The following COL8A1 variants were observed in gnomAD, a reference collection of about 807,000 sequenced individuals.
The protein encoded by COL8A1 is collagen alpha-1(VIII) chain.
COL8A1 carries 21 observed loss-of-function variants against 42.7 expected under a neutral mutation model. The observed-to-expected ratio is 0.49, with a 90% CI of 0.35 to 0.71. The LOEUF (loss-of-function observed/expected upper bound fraction) is 0.71, where lower values mean the gene tolerates loss of function less well. Among genes scored for constraint, COL8A1 ranks in the 30% least tolerant of loss-of-function variants. COL8A1 has a pLI of 0.01. For missense variants in COL8A1, 788 were observed against 962.4 expected (o/e 0.82, Z 2.40); for synonymous variants, 367 against 369.1 (o/e 0.99, Z 0.06).
rs1942123737 is a variant in COL8A1 at position 99,797,290 on chromosome 3, TG to T, written c.*1155del. The stretch of plus-strand genomic sequence containing the variant: ...AAAGTCAATTTTTTTCTTTTTTTTT[TG>T]AGATGGAGTCTTACTCTGTCACCCA... On this transcript the variant is annotated 3_prime_UTR_variant, in exon 4 of 4. Coordinates refer to ENST00000652472, the MANE Select transcript of COL8A1 (RefSeq NM_020351.4). 1 of 152,124 alleles carries T rather than the reference TG, an allele frequency of 6.6e-6. No homozygotes were observed. The highest frequency in any genetic ancestry group is 6.5e-5 in the Admixed American group (1 of 15,270). 9.4% of individuals were successfully genotyped at this position (152,124 alleles called of 1,614,324 possible).
intron 2 of COL8A1, 59 bp downstream of exon 2, chr3:99,745,080 C>T (rs898941627): frequency 3.3e-5 from 5 of 152,184 alleles, no homozygotes; most frequent in Admixed American, 1.3e-4. Context: ...CAGGTAAAGC[C>T]GCAGATCGCT....
chr3:99,720,879 G>A (rs1940130527), intron 1 of COL8A1, among the ~76,000 whole-genome samples: 1 of 152,094 alleles, frequency 6.6e-6, no homozygotes, highest in South Asian at 2.1e-4. Context: ...AGGATGGTGA[G>A]GAGTTTCTGA....
intron 1 of COL8A1, among the ~76,000 whole-genome samples, chr3:99,722,404 A>G (rs1187326361): frequency 6.6e-6 from 1 of 152,150 alleles, no homozygotes; most frequent in Admixed American, 6.6e-5. Flanking sequence ...CAAGCTGTAA[A>G]CTTACACCCT....
chr3:99,642,949 A>G (rs1296389002), intron 1 of COL8A1, among the ~76,000 whole-genome samples: 2 of 152,230 alleles, frequency 1.3e-5, no homozygotes, highest in Non-Finnish European at 2.9e-5. Flanking sequence ...TTACTTATCC[A>G]GTACTTATTA....
At chr3:99,739,017 C>G (rs576413619) in intron 1 of COL8A1, among the ~76,000 whole-genome samples, 289 of 152,294 alleles carry the variant, frequency 1.9e-3, no homozygotes, top group African/African-American at 6.6e-3. Flanking sequence ...CTTTCTTTGA[C>G]TCAGAAAGGG....
At chr3:99,682,212 CAAG>C (rs2107324022) in intron 1 of COL8A1, among the ~76,000 whole-genome samples, 1 of 152,154 alleles carries the variant, frequency 6.6e-6, no homozygotes, top group South Asian at 2.1e-4. Flanking sequence ...GGCAGGAGTT[CAAG>C]ACCAGCTTGG....
At chr3:99,739,534 T>C (rs1940838021) in intron 1 of COL8A1, among the ~76,000 whole-genome samples, 1 of 152,148 alleles carries the variant, frequency 6.6e-6, no homozygotes, top group Non-Finnish European at 1.5e-5. Flanking sequence ...AGGCAGAAGT[T>C]CTCAAACCAC....
intron 1 of COL8A1, among the ~76,000 whole-genome samples, chr3:99,647,094 T>C (rs1937669702): frequency 6.6e-6 from 1 of 152,238 alleles, no homozygotes; most frequent in African/African-American, 2.4e-5. Flanking sequence ...TAAACATTTT[T>C]ATTCACTGTA....
intron 1 of COL8A1, among the ~76,000 whole-genome samples, chr3:99,738,015 C>T (rs1940783544): frequency 6.6e-6 from 1 of 152,096 alleles, no homozygotes; most frequent in Admixed American, 6.5e-5. Context: ...CAGTTGATCG[C>T]ATCGGCTCCT....
chr3:99,675,864 C>T (rs908056595), intron 1 of COL8A1: 1 of 152,306 alleles, frequency 6.6e-6, no homozygotes, highest in African/African-American at 2.4e-5. Flanking sequence ...CATTTGAAGT[C>T]ATAGAGATAA....
chr3:99,791,078 G>T, intron 3 of COL8A1, 68 bp downstream of exon 3: 1 of 1,381,270 alleles, frequency 7.2e-7, no homozygotes, highest in East Asian at 2.4e-5. Flanking sequence ...GGGATCAGAG[G>T]GGGAAGATAA....
At chr3:99,671,355 A>G (rs1184679853) in intron 1 of COL8A1, among the ~76,000 whole-genome samples, 3 of 151,986 alleles carry the variant, frequency 2.0e-5, no homozygotes, top group Non-Finnish European at 4.4e-5. Context: ...CAGTTTTTTT[A>G]ACTAACAAAA....
intron 2 of COL8A1, among the ~76,000 whole-genome samples, chr3:99,772,140 T>C (rs1415803452): frequency 2.0e-5 from 3 of 152,316 alleles, no homozygotes; most frequent in African/African-American, 7.2e-5. Context: ...TGGAATATTA[T>C]TGAGTGCTAA....
intron 2 of COL8A1, among the ~76,000 whole-genome samples, chr3:99,788,891 G>C (rs777426386): frequency 3.9e-5 from 6 of 152,116 alleles, no homozygotes; most frequent in Non-Finnish European, 5.9e-5. Flanking sequence ...ACAGAAGTAG[G>C]AGGAAAATTT....
chr3:99,791,467 CTAAG>C (rs1408405824), intron 3 of COL8A1, among the ~76,000 whole-genome samples: 1 of 152,198 alleles, frequency 6.6e-6, no homozygotes, highest in Non-Finnish European at 1.5e-5. Flanking sequence ...ATTTTGCGAA[CTAAG>C]TATTAGACAG....
intron 1 of COL8A1, among the ~76,000 whole-genome samples, chr3:99,665,188 C>T (rs1404931803): frequency 6.6e-6 from 1 of 152,256 alleles, no homozygotes; most frequent in Non-Finnish European, 1.5e-5. Flanking sequence ...TCAACTCTCA[C>T]AAGAGAGCTT....
At chr3:99,671,023 G>A (rs949764929) in intron 1 of COL8A1, among the ~76,000 whole-genome samples, 2 of 151,488 alleles carry the variant, frequency 1.3e-5, no homozygotes, top group African/African-American at 2.4e-5. Flanking sequence ...TGTTGGGGGG[G>A]TTATTTAAAA....
chr3:99,669,146 T>TATATATATATATATAGAGAGAGAG, intron 1 of COL8A1, among the ~76,000 whole-genome samples: 4 of 115,390 alleles, frequency 3.5e-5, no homozygotes, highest in Admixed American at 1.9e-4. Context: ...TATATATATA[T>TATATATATATATATAGAGAGAGAG]AGAGGGAGAG....
intron 1 of COL8A1, among the ~76,000 whole-genome samples, chr3:99,697,177 G>A (rs1257547454): frequency 1.3e-5 from 2 of 151,120 alleles, no homozygotes; most frequent in South Asian, 2.1e-4. Flanking sequence ...TAGTAGAGAC[G>A]GGGTTTCACC....
Sources: allele counts gnomAD v4.1 joint callset (sites outside exome capture counted in the v4.1 genomes callset), GRCh38; gene constraint gnomAD v4.1.1; transcripts MANE v1.5; gene names NCBI Gene and HGNC (gene_info 2026-07-23, HGNC 2026-07-21).